Variants in ADSL observed in about 807,000 individuals in gnomAD.
The protein encoded by ADSL is adenylosuccinase.
ADSL carries 44 observed loss-of-function variants against 62.1 expected under a neutral mutation model. The ratio of observed to expected loss-of-function variants is 0.71; its 90% CI spans 0.56 to 0.91. The LOEUF is 0.91. Ranked by LOEUF, ADSL falls within the 40% of genes least tolerant of loss-of-function variation. The probability of loss-of-function intolerance (pLI) is 0.00; values close to 1 mark genes in which losing one functional copy is unlikely to be tolerated. For synonymous variants in ADSL, 198 were observed against 220.5 expected (o/e 0.90, Z 0.90); for missense variants, 531 against 627.4 (o/e 0.85, Z 1.64).
rs1380713459 is a variant in ADSL, at chr22:40,365,443, A to G, written c.1368+387A>G. Among the ~76,000 whole-genome samples the G allele has an allele frequency of 2.0e-5, 3 of 152,216 alleles. No individual in the cohort carries two copies. In the East Asian group the frequency reaches 5.8e-4, roughly 29 times the overall value. On this transcript the variant is annotated intron_variant, in intron 12 of 12. Coordinates refer to ENST00000623063, the MANE Select transcript of ADSL (RefSeq NM_000026.4). ...TTATTGTCAGGTGGATCTGGGTTAA[A>G]TCGTAACCTCTGGCATTTACTGGCT...
intron 6 of ADSL, among the ~76,000 whole-genome samples, chr22:40,359,714 G>A (rs1161757219): frequency 1.3e-5 from 2 of 151,714 alleles, no homozygotes; most frequent in East Asian, 1.9e-4. Flanking sequence ...TATAATTTTT[G>A]TATTGTTTTG....
intron 6 of ADSL, among the ~76,000 whole-genome samples, 170 bp downstream of exon 6, chr22:40,359,476 C>CTTTTTTTTTTTTTTTTTTTTTTTTTTT (rs56719087): frequency 2.3e-5 from 1 of 43,870 alleles, no homozygotes; most frequent in African/African-American, 1.3e-4. Context: ...TATCTGGATT[C>CTTTTTTTTTTTTTTTTTTTTTTTTTTT]TTTTTTTTTT....
chr22:40,349,087 G>A (rs1250793908), intron 1 of ADSL, among the ~76,000 whole-genome samples: 1 of 152,094 alleles, frequency 6.6e-6, no homozygotes, highest in Non-Finnish European at 1.5e-5. Context: ...ATCATGCCAA[G>A]CACTAAGGAT....
intron 8 of ADSL, 38 bp from the exon 9 acceptor site, chr22:40,361,450 C>G (rs749726466): frequency 6.2e-7 from 1 of 1,614,100 alleles, no homozygotes; most frequent in South Asian, 1.1e-5. Context: ...TCTGAAGTCT[C>G]TCTGCCTTTG....
Position 40,358,966 on chromosome 22 carries a change from C to T in ADSL, c.585C>T (p.Phe195=), listed in dbSNP as rs2044667626. The change falls in exon 5 of 13, where the codon TTC becomes TTT. Residue 195 remains phenylalanine, a synonymous_variant. Transcript: ENST00000623063. ...AGCGTGTCCGAGATGACCTGCGCTT[C>T]CGGGGAGTAAAGGGTACCACTGGCA... ...NLKRVRDDLR[F]RGVKGTTGTQ... is the part of the protein sequence containing the mutation. 2 of 1,614,132 alleles carry T rather than the reference C, an allele frequency of 1.2e-6. No homozygotes were observed. Among genetic ancestry groups the T allele is most frequent in the Non-Finnish European group, 1.7e-6 (2 of 1,180,028 alleles).
rs1294823271 is a variant in ADSL, at chr22:40,346,540, G to C, written c.-19G>C. The C allele has an allele frequency of 6.3e-7, 1 of 1,597,842 alleles. No homozygotes were observed. Among genetic ancestry groups the C allele is most frequent in the Non-Finnish European group, 8.5e-7 (1 of 1,174,912 alleles). On this transcript the variant is annotated 5_prime_UTR_variant, in exon 1 of 13. Coordinates refer to ENST00000623063, the MANE Select transcript of ADSL (RefSeq NM_000026.4). ...CTCTTCCCTGGTCCAGTCCACCCTGGCGGGGTCGCAGGGTTGGGATGGCGG... is the reference window on the plus strand; with the variant it reads ...CTCTTCCCTGGTCCAGTCCACCCTGCCGGGGTCGCAGGGTTGGGATGGCGG...
At chr22:40,362,360 C>T (rs1456156122) in intron 9 of ADSL, among the ~76,000 whole-genome samples, 2 of 152,216 alleles carry the variant, frequency 1.3e-5, no homozygotes, top group Admixed American at 1.3e-4. Flanking sequence ...CATGTGAACT[C>T]ATTCAGAAGT....
chr22:40,351,484 AT>A (rs2044346522), intron 2 of ADSL, among the ~76,000 whole-genome samples: 1 of 150,604 alleles, frequency 6.6e-6, no homozygotes. Context: ...TTTTTAAAAT[AT>A]TTATAGGGAC....
rs117867528 is a variant in ADSL at position 40,347,211 on chromosome 22, A to G, written c.153+500A>G. The G allele has an allele frequency of 1.7e-3, 280 of 161,332 alleles. 7 individuals carry two copies. In the East Asian group the frequency reaches 0.046, roughly 26 times the overall value. 10.0% of individuals were successfully genotyped at this position (161,332 alleles called of 1,614,324 possible). A position where few individuals can be genotyped will look rare whatever the true frequency, so the allele number is the denominator to read the frequency against. On this transcript the variant is annotated intron_variant, in intron 1 of 12. Coordinates refer to ENST00000623063, the MANE Select transcript of ADSL (RefSeq NM_000026.4). ...GGAACTGGGATTTGAACCTGGGTGC[A>G]CTCCAGAGCCTGAGCTGAGCACGTA... is the stretch of plus-strand genomic sequence containing the variant.
intron 2 of ADSL, among the ~76,000 whole-genome samples, chr22:40,385,355 CTTTGT>C (rs1003975549): frequency 2.6e-5 from 4 of 152,194 alleles, no homozygotes; most frequent in East Asian, 3.9e-4. Flanking sequence ...GGGATAGTTG[CTTTGT>C]TTTGTTTTGT....
downstream of ADSL, among the ~76,000 whole-genome samples, chr22:40,373,988 G>A (rs922676368): frequency 8.1e-5 from 12 of 148,914 alleles, no homozygotes; most frequent in East Asian, 2.0e-4. Context: ...TCCCTCTGTC[G>A]CCCAGGCTTG....
intron 12 of ADSL, among the ~76,000 whole-genome samples, chr22:40,365,967 C>T (rs1027245884): frequency 2.0e-5 from 3 of 151,894 alleles, no homozygotes; most frequent in Non-Finnish European, 4.4e-5. Flanking sequence ...CCAAGCAGTA[C>T]GTGCAAGGAC....
At chr22:40,376,178 CTTTTTTTTTT>C (rs10616868) in intron 2 of ADSL, 7 of 86,870 alleles carry the variant, frequency 8.1e-5, no homozygotes, top group African/African-American at 2.1e-4. Context: ...CAAATTACCA[CTTTTTTTTTT>C]TTTTTTTTTT....
intron 2 of ADSL, among the ~76,000 whole-genome samples, chr22:40,383,263 C>A (rs1488547904): frequency 6.6e-6 from 1 of 151,958 alleles, no homozygotes. Context: ...GTCAGGAGAT[C>A]AAGACCATCC....
intron 2 of ADSL, among the ~76,000 whole-genome samples, chr22:40,386,018 ATTTTTTGTTTTTTTTTTTGTT>A (rs973053801): frequency 8.0e-4 from 115 of 144,126 alleles, no homozygotes; most frequent in African/African-American, 2.8e-3. Flanking sequence ...TGCCCGGCTA[ATTTTTTGTTTTTTTTTTTGTT>A]TTTTTTGTTT....
rs768058696 is a variant in ADSL, at chr22:40,362,968, A to G, written c.1011-13A>G. ...TTGTTTAAAGACATACTGAATGGCT[A>G]TTTGTTTTCTAGACGGATCTGTTTG... On this transcript the variant is annotated splice_polypyrimidine_tract_variant and intron_variant, in intron 9 of 12. Transcript: ENST00000623063. The G allele has an allele frequency of 3.1e-6, 5 of 1,608,132 alleles. No individual in the cohort carries two copies. The Admixed American group carries it at 5.0e-5, about 16-fold the overall frequency.
At chr22:40,357,610 G>A (rs1255823155) in intron 4 of ADSL, among the ~76,000 whole-genome samples, 2 of 152,092 alleles carry the variant, frequency 1.3e-5, no homozygotes, top group Non-Finnish European at 2.9e-5. Context: ...GAGTCCTCTG[G>A]TTATGTGTGT....
intron 2 of ADSL, among the ~76,000 whole-genome samples, chr22:40,374,702 C>T (rs1008248930): frequency 2.0e-5 from 3 of 152,152 alleles, no homozygotes; most frequent in African/African-American, 7.2e-5. Context: ...GGCAACATGG[C>T]GAAATGCCAT....
In ADSL at chr22:40,364,285, C is replaced by G. The variant is rs777359946; in HGVS notation, c.1111C>G (p.Arg371Gly). The part of the protein sequence containing the change: ...GLVVYPKVIE[R>G]RIRQELPFMA... ...GTATCTTTTCCTATAGGTAATTGAA[C>G]GGCGCATTCGGCAAGAGCTGCCTTT... Residue 371 changes from arginine (R) to glycine (G), a missense_variant, in exon 11 of 13, where the codon CGG (arginine) becomes GGG (glycine). By Grantham distance (125) the Arg-to-Gly change is moderately radical. Around this residue, in one of 2 missense-constraint regions of ADSL, gnomAD observed 471 missense variants for 592.9 expected, o/e 0.79. Coordinates refer to ENST00000623063, the MANE Select transcript of ADSL (RefSeq NM_000026.4). 6.2e-7 allele frequency: 1 copy of G among 1,613,822 alleles called. No homozygotes were observed. Among genetic ancestry groups the G allele is most frequent in the East Asian group, 2.2e-5 (1 of 44,886 alleles).
Sources: allele counts gnomAD v4.1 joint callset (sites outside exome capture counted in the v4.1 genomes callset), GRCh38; gene constraint gnomAD v4.1.1; regional missense constraint gnomAD v4.1.1; transcripts MANE v1.5; gene names NCBI Gene and HGNC (gene_info 2026-07-23, HGNC 2026-07-21).